Variants in NCOA1 observed in about 807,000 individuals in gnomAD.
NCOA1 encodes Hin-2 protein.
NCOA1 carries 35 observed loss-of-function variants against 150.9 expected under a neutral mutation model. The observed-to-expected ratio is 0.23, with a 90% CI of 0.18 to 0.31. The LOEUF is 0.31. NCOA1 is among the 10% of genes least tolerant of loss of function. NCOA1 has a pLI of 1.00. For missense variants in NCOA1, 1,491 were observed against 1,749.3 expected (o/e 0.85, Z 2.63); for synonymous variants, 590 against 630.0 (o/e 0.94, Z 0.95).
chr2:24,623,006 G>C (rs1161885105), intron 3 of NCOA1, among the ~76,000 whole-genome samples: 6 of 152,140 alleles, frequency 3.9e-5, no homozygotes, highest in Non-Finnish European at 8.8e-5. Flanking sequence ...TATATTCATG[G>C]GGACAGAAGA....
At chr2:24,566,954 G>C (rs1395845351) in intron 2 of NCOA1, among the ~76,000 whole-genome samples, 1 of 152,210 alleles carries the variant, frequency 6.6e-6, no homozygotes, top group East Asian at 1.9e-4. Flanking sequence ...GTCCACAGTG[G>C]TGGATGGGCA....
At chr2:24,730,684 A>G (rs1662955221) in intron 17 of NCOA1, among the ~76,000 whole-genome samples, 1 of 152,092 alleles carries the variant, frequency 6.6e-6, no homozygotes, top group Admixed American at 6.6e-5. Context: ...TGTATAAGCA[A>G]CAGATATGGA....
At chr2:24,736,396 A>G (rs1421288442) in intron 17 of NCOA1, among the ~76,000 whole-genome samples, 5 of 152,184 alleles carry the variant, frequency 3.3e-5, no homozygotes, top group Admixed American at 6.5e-5. Context: ...CAAATATGGT[A>G]TACTTAGCAA....
chr2:24,615,737 T>A (rs1668846377), intron 3 of NCOA1, among the ~76,000 whole-genome samples: 1 of 152,160 alleles, frequency 6.6e-6, no homozygotes. Flanking sequence ...ACACAGTTAC[T>A]TTTTTTGTTA....
chr2:24,631,850 C>T (rs1669725095), intron 3 of NCOA1, among the ~76,000 whole-genome samples: 1 of 152,154 alleles, frequency 6.6e-6, no homozygotes, highest in Non-Finnish European at 1.5e-5. Flanking sequence ...TTCTGTCATA[C>T]AATTCTTTAT....
chr2:24,673,340 G>T, intron 6 of NCOA1, 26 bp from the exon 7 acceptor site: 1 of 1,458,776 alleles, frequency 6.9e-7, no homozygotes, highest in South Asian at 1.4e-5. Flanking sequence ...TCAGATATGT[G>T]ATTTTTTTAA....
At chr2:24,551,094 C>CAA (rs767086071) in intron 1 of NCOA1, among the ~76,000 whole-genome samples, 91 of 69,320 alleles carry the variant, frequency 1.3e-3, no homozygotes, top group African/African-American at 2.5e-3. Flanking sequence ...GACTTTGTCT[C>CAA]AAAAAAAAAA....
At chr2:24,710,362 G>T (rs1407717672) in intron 13 of NCOA1, among the ~76,000 whole-genome samples, 9 of 152,144 alleles carry the variant, frequency 5.9e-5, no homozygotes, top group African/African-American at 1.7e-4. Context: ...AAAGTGCTGG[G>T]ATTACAGGTG....
In NCOA1 at chr2:24,697,810, TC is replaced by T; in HGVS notation, c.949+13del. On this transcript the variant is annotated intron_variant, in intron 11 of 22. Coordinates refer to ENST00000348332, the MANE Select transcript of NCOA1 (RefSeq NM_003743.5). The stretch of plus-strand genomic sequence containing the variant: ...GCTGTTCCAAGAAGGTAAAATTTTC[TC>T]TCTCAATTATTTTCATTAACCCTTA... 2 of 1,609,556 alleles carry T rather than the reference TC, an allele frequency of 1.2e-6. No individual in the cohort carries two copies. The highest frequency in any genetic ancestry group is 1.7e-6 in the Non-Finnish European group (2 of 1,176,484).
Position 24,671,503 on chromosome 2 carries a change from T to C in NCOA1, c.257-1863T>C, listed in dbSNP as rs200109587. On this transcript the variant is annotated intron_variant, in intron 6 of 22. Coordinates refer to ENST00000348332, the MANE Select transcript of NCOA1 (RefSeq NM_003743.5). ...AAGATCCCTGTCTCTTAAAATAAAA[T>C]AAAACAAGCAAAATTTAAAAATAAG... is the stretch of plus-strand genomic sequence containing the variant. 5.3e-5 allele frequency among the ~76,000 whole-genome samples: 8 copies of C among 152,224 alleles called. No homozygotes were observed. The East Asian group carries it at 1.5e-3, about 29-fold the overall frequency.
Position 24,617,270 on chromosome 2 carries a change from C to G in NCOA1, c.-174-26696C>G, listed in dbSNP as rs56359723. The stretch of plus-strand genomic sequence containing the variant: ...TAGCAGACTCTTCATTACCTTTGGG[C>G]ACTTTTTTCTAAGAGTTTGTTGTGA... On this transcript the variant is annotated intron_variant, in intron 3 of 22. Coordinates refer to ENST00000348332, the MANE Select transcript of NCOA1 (RefSeq NM_003743.5). Among the ~76,000 whole-genome samples, 947 of 152,202 alleles carry G rather than the reference C, an allele frequency of 6.2e-3. 12 individuals are homozygous for G. Among genetic ancestry groups the G allele is most frequent in the African/African-American group, 0.021 (868 of 41,548 alleles).
chr2:24,539,671 C>A (rs1240115106), intron 1 of NCOA1, among the ~76,000 whole-genome samples: 10 of 152,058 alleles, frequency 6.6e-5, no homozygotes, highest in Admixed American at 2.0e-4. Context: ...TTCACCAAAC[C>A]TATAGAAGTA....
chr2:24,602,609 C>T (rs929495393), intron 3 of NCOA1, among the ~76,000 whole-genome samples: 1 of 151,442 alleles, frequency 6.6e-6, no homozygotes, highest in African/African-American at 2.4e-5. Flanking sequence ...TATATTTTGG[C>T]TAATAAATAA....
In NCOA1 at chr2:24,494,628, T is replaced by C. The variant is rs371229613; in HGVS notation, c.-396+3026T>C. Among the ~76,000 whole-genome samples, 7 of 152,320 alleles carry C rather than the reference T, an allele frequency of 4.6e-5. No homozygotes were observed. In the Middle Eastern group the frequency reaches 0.01, roughly 222 times the overall value. The stretch of plus-strand genomic sequence containing the variant: ...AATTCTCAGAGGACCATCAGCTGCT[T>C]TCCTGGCAGAGGTCCAAAAATGTTT... On this transcript the variant is annotated intron_variant, in intron 1 of 22. Coordinates refer to ENST00000348332, the MANE Select transcript of NCOA1 (RefSeq NM_003743.5).
At chr2:24,537,478 A>G (rs72803296) in intron 1 of NCOA1, among the ~76,000 whole-genome samples, 7,830 of 151,528 alleles carry the variant, frequency 0.052, 283 homozygotes, top group East Asian at 0.19. Flanking sequence ...TATATAATAT[A>G]TGTATGTGTG....
intron 6 of NCOA1, among the ~76,000 whole-genome samples, chr2:24,672,935 G>C (rs1462762678): frequency 6.6e-6 from 1 of 152,164 alleles, no homozygotes; most frequent in Non-Finnish European, 1.5e-5. Flanking sequence ...AGTTCATGCA[G>C]GCTCTCAAAA....
chr2:24,705,278 A>T (rs751967253), intron 12 of NCOA1, 45 bp downstream of exon 12: 1 of 1,583,162 alleles, frequency 6.3e-7, no homozygotes, highest in South Asian at 1.1e-5. Flanking sequence ...GCCAGTTCAC[A>T]TATCTCTTAT....
At chr2:24,499,404 C>T (rs1663359906) in intron 1 of NCOA1, among the ~76,000 whole-genome samples, 1 of 152,102 alleles carries the variant, frequency 6.6e-6, no homozygotes, top group South Asian at 2.1e-4. Context: ...TGCAATATTC[C>T]AACATTCCTC....
intron 11 of NCOA1, among the ~76,000 whole-genome samples, chr2:24,699,724 T>C (rs1356826489): frequency 6.6e-6 from 1 of 152,218 alleles, no homozygotes; most frequent in African/African-American, 2.4e-5. Context: ...TTCAGCAGTA[T>C]CTAGCCAGAT....
Sources: allele counts gnomAD v4.1 joint callset (sites outside exome capture counted in the v4.1 genomes callset), GRCh38; gene constraint gnomAD v4.1.1; transcripts MANE v1.5; gene names NCBI Gene and HGNC (gene_info 2026-07-23, HGNC 2026-07-21).